TIAM1: variants seen among roughly 807,000 people sequenced by gnomAD.
TIAM1 encodes TIAM Rac1 associated GEF 1, also known as rho guanine nucleotide exchange factor TIAM1.
In TIAM1, 65 loss-of-function variants were observed where a neutral mutation model predicts 163.5. The observed-to-expected ratio is 0.40, with a 90% confidence interval of 0.33 to 0.49. The LOEUF (loss-of-function observed/expected upper bound fraction) is 0.49, where lower values mean the gene tolerates loss of function less well. TIAM1 is among the 20% of genes least tolerant of loss of function. The pLI is 0.77. For missense variants in TIAM1, 1,789 were observed against 2,044.7 expected, an observed-to-expected ratio of 0.87 and a Z score of 2.41; for synonymous variants, 833 against 810.1, an observed-to-expected ratio of 1.03 and a Z score of -0.48.
intron 16 of TIAM1, among the ~76,000 whole-genome samples, chr21:31,160,006 T>A (rs984268006): frequency 1.3e-5 from 2 of 152,134 alleles, no homozygotes; most frequent in Admixed American, 1.3e-4. Flanking sequence ...GGAAACAAGT[T>A]GAACATCCTA....
At chr21:31,360,384 C>T (rs2076388785) in intron 2 of TIAM1, among the ~76,000 whole-genome samples, 1 of 151,562 alleles carries the variant, frequency 6.6e-6, no homozygotes, top group Non-Finnish European at 1.5e-5. Context: ...TTAATATACT[C>T]TAATGTCCTT....
At chr21:31,338,733 G>A (rs2075929893) in intron 2 of TIAM1, among the ~76,000 whole-genome samples, 1 of 152,138 alleles carries the variant, frequency 6.6e-6, no homozygotes. Flanking sequence ...AAAGCCCCAA[G>A]CCTGTCATGC....
At chr21:31,237,561 T>C (rs1017179553) in intron 6 of TIAM1, among the ~76,000 whole-genome samples, 1 of 152,208 alleles carries the variant, frequency 6.6e-6, no homozygotes, top group African/African-American at 2.4e-5. Flanking sequence ...TCACACTTAA[T>C]CTTCAACTCA....
At chr21:31,241,961 G>A (rs1417603244) in intron 6 of TIAM1, among the ~76,000 whole-genome samples, 2 of 152,114 alleles carry the variant, frequency 1.3e-5, no homozygotes, top group Non-Finnish European at 2.9e-5. Context: ...AGTGAGCTAT[G>A]ATTGCACCAC....
At chr21:31,179,682 A>G (rs1382951896) in intron 15 of TIAM1, among the ~76,000 whole-genome samples, 1 of 152,130 alleles carries the variant, frequency 6.6e-6, no homozygotes, top group Non-Finnish European at 1.5e-5. Context: ...GGTCAGTTGT[A>G]AAGTCCAGTT....
intron 6 of TIAM1, among the ~76,000 whole-genome samples, chr21:31,231,464 T>G (rs1430196987): frequency 6.6e-6 from 1 of 152,134 alleles, no homozygotes; most frequent in Non-Finnish European, 1.5e-5. Flanking sequence ...CTTTCCCCTG[T>G]GAGGACCCCA....
At chr21:31,382,937 C>A (rs986925360) in intron 2 of TIAM1, among the ~76,000 whole-genome samples, 2 of 152,128 alleles carry the variant, frequency 1.3e-5, no homozygotes, top group Admixed American at 6.6e-5. Flanking sequence ...TTATCAATAT[C>A]TTTTAGAAGT....
At chr21:31,315,387 C>T (rs2075077430) in intron 2 of TIAM1, among the ~76,000 whole-genome samples, 1 of 151,810 alleles carries the variant, frequency 6.6e-6, no homozygotes, top group Non-Finnish European at 1.5e-5. Flanking sequence ...TGGTGGCGGG[C>T]GCCTGTAGTC....
At chr21:31,300,943 T>G (rs2074473096) in intron 2 of TIAM1, among the ~76,000 whole-genome samples, 1 of 152,210 alleles carries the variant, frequency 6.6e-6, no homozygotes, top group South Asian at 2.1e-4. Flanking sequence ...GTGCCAGTAG[T>G]AAAATGTATT....
chr21:31,499,134 G>A (rs2046765631), intron 1 of TIAM1, among the ~76,000 whole-genome samples: 2 of 152,168 alleles, frequency 1.3e-5, no homozygotes, highest in Admixed American at 1.3e-4. Flanking sequence ...GCAAAGCCTG[G>A]AAAGACAGAG....
intron 2 of TIAM1, among the ~76,000 whole-genome samples, chr21:31,419,317 A>G (rs1470179480): frequency 1.3e-5 from 2 of 152,238 alleles, no homozygotes; most frequent in Non-Finnish European, 2.9e-5. Flanking sequence ...ACCATAAGCA[A>G]TAGATGCATC....
At chr21:31,228,219 TTAAAAAAAAAAAAAAAAAAAAA>T (rs1398199657) in intron 6 of TIAM1, among the ~76,000 whole-genome samples, 3 of 17,624 alleles carry the variant, frequency 1.7e-4, no homozygotes, top group Non-Finnish European at 2.1e-4. Context: ...CCTCCTTTTT[TTAAAAAAAAAAAAAAAAAAAAA>T]AAAAAAAAAA....
At chr21:31,255,644 G>A (rs376228283) in intron 4 of TIAM1, among the ~76,000 whole-genome samples, 1 of 152,178 alleles carries the variant, frequency 6.6e-6, no homozygotes, top group African/African-American at 2.4e-5. Flanking sequence ...AGCAGTTTTT[G>A]TAGCAACTGC....
At chr21:31,154,533 A>G (rs1601323891) in intron 16 of TIAM1, 107 bp from the exon 17 acceptor site, 1 of 1,155,564 alleles carries the variant, frequency 8.7e-7, no homozygotes. Flanking sequence ...CAACTGTCAC[A>G]TATGAATGTC....
chr21:31,307,718 A>T (rs892258147), intron 2 of TIAM1, among the ~76,000 whole-genome samples: 12 of 152,150 alleles, frequency 7.9e-5, no homozygotes, highest in Non-Finnish European at 1.5e-4. Context: ...AGGGGCTTGC[A>T]AACAGATGCC....
intron 2 of TIAM1, among the ~76,000 whole-genome samples, chr21:31,449,519 C>T (rs1314133360): frequency 2.0e-5 from 3 of 151,954 alleles, no homozygotes; most frequent in Non-Finnish European, 2.9e-5. Flanking sequence ...GCTGGGATTA[C>T]AGTCATGCGC....
chr21:31,420,514 T>G (rs1477231348), intron 2 of TIAM1, among the ~76,000 whole-genome samples: 1 of 152,184 alleles, frequency 6.6e-6, no homozygotes, highest in Non-Finnish European at 1.5e-5. Flanking sequence ...GTACATGCAA[T>G]AAAGCCTCGA....
In TIAM1 at chr21:31,350,710, C is replaced by A. The variant is rs148017101; in HGVS notation, c.-368-11288G>T. Among the ~76,000 whole-genome samples the A allele has an allele frequency of 5.2e-3, 796 of 152,326 alleles. 6 individuals are homozygous for A. Among genetic ancestry groups the A allele is most frequent in the African/African-American group, 0.018 (759 of 41,572 alleles). ...TTCTGAGGTCTCCCCAGAAGCCAAGCAGATGCCAGCATCATGCTTCCTGTA... is the reference window on the plus strand; with the variant it reads ...TTCTGAGGTCTCCCCAGAAGCCAAGAAGATGCCAGCATCATGCTTCCTGTA... On this transcript the variant is annotated intron_variant, in intron 2 of 28. Coordinates refer to the TIAM1 transcript ENST00000286827.
At chr21:31,541,228 G>A (rs1413364671) in intron 1 of TIAM1, among the ~76,000 whole-genome samples, 3 of 152,136 alleles carry the variant, frequency 2.0e-5, no homozygotes, top group East Asian at 3.9e-4. Flanking sequence ...AGGCTGAGGC[G>A]GGCAGATCAC....
Sources: gnomAD v4.1 joint callset for allele counts (sites outside exome capture counted in the v4.1 genomes callset) on GRCh38, gnomAD v4.1.1 for gene constraint, MANE v1.5 for transcripts, NCBI Gene and HGNC (gene_info 2026-07-23, HGNC 2026-07-21) for gene names.